Variants in PCDHA12 observed in about 807,000 individuals in gnomAD.
The protein encoded by PCDHA12 is protocadherin alpha 12.
A neutral mutation model predicts 60.0 loss-of-function variants in PCDHA12; 44 were observed. That is an observed-to-expected ratio of 0.73 (90% CI 0.58 to 0.94). The LOEUF (loss-of-function observed/expected upper bound fraction) is 0.94, where lower values mean the gene tolerates loss of function less well. Ranked by LOEUF, PCDHA12 falls within the 40% of genes least tolerant of loss-of-function variation. PCDHA12 has a pLI of 0.00. For synonymous variants in PCDHA12, 569 were observed against 553.0 expected, an observed-to-expected ratio of 1.03 and a Z score of -0.40; for missense variants, 1,276 against 1,239.7, an observed-to-expected ratio of 1.03 and a Z score of -0.44.
rs557916636 is a variant in PCDHA12, at chr5:141,000,518, C to G, written c.2516-9109C>G. The stretch of plus-strand genomic sequence containing the variant: ...TCTCGGCTCACTGCAACCTCCTTCT[C>G]CAGGGTTCAAGTGATTCTCATGCCT... On this transcript the variant is annotated intron_variant, in intron 3 of 3. Transcript: ENST00000398631. Among the ~76,000 whole-genome samples the G allele has an allele frequency of 6.9e-4, 100 of 144,062 alleles. 3 individuals are homozygous for G. In the South Asian group the frequency reaches 0.021, roughly 31 times the overall value. 94.5% of individuals were successfully genotyped at this position (144,062 alleles called of 152,430 possible). A position where few individuals can be genotyped will look rare whatever the true frequency, so the allele number is the denominator to read the frequency against.
intron 2 of PCDHA12, among the ~76,000 whole-genome samples, chr5:140,981,337 G>A (rs2096927522): frequency 6.6e-6 from 1 of 152,146 alleles, no homozygotes; most frequent in African/African-American, 2.4e-5. Context: ...ACTTTGGGAG[G>A]GTGAGGCAGG....
At chr5:140,994,717 A>G (rs1350882833) in intron 3 of PCDHA12, among the ~76,000 whole-genome samples, 4 of 152,164 alleles carry the variant, frequency 2.6e-5, no homozygotes, top group African/African-American at 9.6e-5. Context: ...AAAAAAATTT[A>G]AAATACTGGG....
At chr5:140,970,753 C>T (rs1282500516) in intron 1 of PCDHA12, among the ~76,000 whole-genome samples, 1 of 152,176 alleles carries the variant, frequency 6.6e-6, no homozygotes, top group Non-Finnish European at 1.5e-5. Context: ...AATATATTTT[C>T]ATTGACATAT....
chr5:140,969,292 C>G, intron 1 of PCDHA12: 2 of 1,614,208 alleles, frequency 1.2e-6, no homozygotes, highest in Non-Finnish European at 1.7e-6. Context: ...ATGCTGGGAA[C>G]CTGATTATTC....
intron 1 of PCDHA12, among the ~76,000 whole-genome samples, chr5:140,897,369 T>C (rs183566624): frequency 0.013 from 1,702 of 128,706 alleles, 36 homozygotes; most frequent in African/African-American, 0.049. Flanking sequence ...GAGTGTGATG[T>C]TCCCTTCCCC....
intron 3 of PCDHA12, among the ~76,000 whole-genome samples, chr5:140,999,140 G>A (rs1473682487): frequency 6.6e-6 from 1 of 152,164 alleles, no homozygotes; most frequent in African/African-American, 2.4e-5. Context: ...TGTCACAGCC[G>A]GAAGTCTTCA....
At position 140,924,894 on chromosome 5, in the gene PCDHA12, CA is replaced by C. The variant is rs782133089; in HGVS notation, c.2367+47066del. 4.9e-4 allele frequency among the ~76,000 whole-genome samples: 35 copies of C among 71,496 alleles called. 1 individual carries two copies. Among genetic ancestry groups the C allele is most frequent in the Admixed American group, 2.6e-3 (18 of 6,864 alleles). The allele number at this position is 71,496 out of a possible 152,430, so 46.9% of individuals were successfully genotyped here. On this transcript the variant is annotated intron_variant, in intron 1 of 3. Coordinates refer to ENST00000398631, the MANE Select transcript of PCDHA12 (RefSeq NM_018903.4). Reference sequence around the variant, plus strand: ...TGGGTGACAGAGCAAGAACCTGTCTCAAAAAAAAAAATAAAATAAAATAAAA... The same window carrying C: ...TGGGTGACAGAGCAAGAACCTGTCTCAAAAAAAAAATAAAATAAAATAAAA...
intron 1 of PCDHA12, among the ~76,000 whole-genome samples, chr5:140,946,108 T>C (rs782062288): frequency 2.0e-5 from 3 of 151,938 alleles, no homozygotes; most frequent in Non-Finnish European, 4.4e-5. Context: ...ATACCAAATA[T>C]ATAAGGAACT....
At chr5:140,891,963 A>C (rs1202145353) in intron 1 of PCDHA12, among the ~76,000 whole-genome samples, 1 of 152,214 alleles carries the variant, frequency 6.6e-6, no homozygotes, top group African/African-American at 2.4e-5. Flanking sequence ...TGTGAGAAGT[A>C]AATTTCCGTT....
intron 1 of PCDHA12, among the ~76,000 whole-genome samples, chr5:140,910,545 A>T (rs551984797): frequency 1.3e-5 from 2 of 152,316 alleles, no homozygotes; most frequent in East Asian, 1.9e-4. Context: ...TCTATTTTGC[A>T]AAGTATTAGT....
At chr5:140,898,450 C>G (rs1276825221) in intron 1 of PCDHA12, among the ~76,000 whole-genome samples, 4 of 152,148 alleles carry the variant, frequency 2.6e-5, no homozygotes, top group Non-Finnish European at 4.4e-5. Flanking sequence ...ATAGGGAATC[C>G]TTTCCCCATT....
At chr5:140,919,614 T>C (rs1186816141) in intron 1 of PCDHA12, among the ~76,000 whole-genome samples, 1 of 152,212 alleles carries the variant, frequency 6.6e-6, no homozygotes, top group Non-Finnish European at 1.5e-5. Flanking sequence ...TTAAACTGTA[T>C]CTTTTGAGTT....
At chr5:140,975,779 A>G (rs1439511378) in intron 1 of PCDHA12, among the ~76,000 whole-genome samples, 1 of 152,118 alleles carries the variant, frequency 6.6e-6, no homozygotes, top group Non-Finnish European at 1.5e-5. Context: ...TAATACCATT[A>G]CAAGATAAAT....
At chr5:140,954,591 G>A (rs951330274) in intron 1 of PCDHA12, among the ~76,000 whole-genome samples, 3 of 152,062 alleles carry the variant, frequency 2.0e-5, no homozygotes, top group Non-Finnish European at 2.9e-5. Context: ...GTCTGTTCAT[G>A]TTCTTTGCCC....
chr5:140,941,245 TTCTTTCTTTCTC>T (rs2092955664), intron 1 of PCDHA12, among the ~76,000 whole-genome samples: 1 of 140,868 alleles, frequency 7.1e-6, no homozygotes, highest in African/African-American at 2.6e-5. Flanking sequence ...CTTTCTTTCT[TTCTTTCTTTCTC>T]TTTCTTTCTT....
chr5:140,879,908 T>G (rs1468115653), intron 1 of PCDHA12, among the ~76,000 whole-genome samples: 2 of 152,218 alleles, frequency 1.3e-5, no homozygotes, highest in Non-Finnish European at 2.9e-5. Context: ...TCTCTCTATG[T>G]GTTGGTTTTA....
At chr5:140,878,153 A>G (rs554763085) in intron 1 of PCDHA12, 21 of 178,230 alleles carry the variant, frequency 1.2e-4, no homozygotes, top group Non-Finnish European at 2.3e-4. Context: ...TGATAACTTA[A>G]AAATTTAATT....
At chr5:140,993,509 C>T (rs930990761) in intron 3 of PCDHA12, among the ~76,000 whole-genome samples, 23 of 143,490 alleles carry the variant, frequency 1.6e-4, no homozygotes, top group Admixed American at 3.5e-4. Context: ...CACACACACA[C>T]GGGGAGAGAG....
chr5:140,901,443 T>C (rs1288584501), intron 1 of PCDHA12, among the ~76,000 whole-genome samples: 2 of 152,202 alleles, frequency 1.3e-5, no homozygotes, highest in Non-Finnish European at 2.9e-5. Flanking sequence ...ATATCTAGTT[T>C]CCCAGCACAG....
Sources: allele counts gnomAD v4.1 joint callset (sites outside exome capture counted in the v4.1 genomes callset), GRCh38; gene constraint gnomAD v4.1.1; transcripts MANE v1.5; gene names NCBI Gene and HGNC (gene_info 2026-07-23, HGNC 2026-07-21).